COL5A1: variants seen among roughly 807,000 people sequenced by gnomAD.
The protein encoded by COL5A1 is collagen type V alpha 1 chain, also known as collagen alpha-1(V) chain.
A neutral mutation model predicts 263.7 loss-of-function variants in COL5A1; 16 were observed. The observed-to-expected ratio is 0.06, with a 90% confidence interval of 0.04 to 0.09. COL5A1 has a LOEUF of 0.09. Ranked by LOEUF, COL5A1 falls within the 10% of genes least tolerant of loss-of-function variation. The pLI is 1.00. For synonymous variants in COL5A1, 1,012 were observed against 1,004.5 expected (o/e 1.01, Z -0.14); for missense variants, 2,036 against 2,540.5 (o/e 0.80, Z 4.27).
At chr9:134,675,105 T>C (rs1343510246) in intron 1 of COL5A1, among the ~76,000 whole-genome samples, 2 of 152,198 alleles carry the variant, frequency 1.3e-5, no homozygotes, top group Non-Finnish European at 2.9e-5. Context: ...ATATGTGCAG[T>C]CCTCTCCAGT....
Position 134,696,704 on chromosome 9 carries a change from A to T in COL5A1, c.278-3205A>T, listed in dbSNP as rs571912465. ...CGGCTCAGTATGATTTAGTTTCAAC[A>T]CAAATGCATTTATTGTACTCCTACT... On this transcript the variant is annotated intron_variant, in intron 2 of 65. Coordinates refer to ENST00000371817, the MANE Select transcript of COL5A1 (RefSeq NM_000093.5). The surrounding 1 kb of genome is among the most constrained non-coding windows in gnomAD (Gnocchi z 4.3). Among the ~76,000 whole-genome samples the T allele has an allele frequency of 6.6e-6, 1 of 152,340 alleles. No homozygotes were observed. Among genetic ancestry groups the T allele is most frequent in the Admixed American group, 6.5e-5 (1 of 15,300 alleles).
At chr9:134,805,594 G>A (rs996069374) in intron 41 of COL5A1, among the ~76,000 whole-genome samples, 1 of 152,198 alleles carries the variant, frequency 6.6e-6, no homozygotes, top group African/African-American at 2.4e-5. Context: ...GAAGATGCAC[G>A]CTAAAGCCAG....
chr9:134,805,345 GA>G (rs1838258101), intron 41 of COL5A1, 131 bp downstream of exon 41: 6 of 1,089,124 alleles, frequency 5.5e-6, no homozygotes, highest in South Asian at 3.8e-5. Flanking sequence ...GTGGAGGGGG[GA>G]AAATGGCCTT....
chr9:134,730,178 C>T (rs552649200), intron 6 of COL5A1, 58 bp from the exon 7 acceptor site: 268 of 1,604,202 alleles, frequency 1.7e-4, no homozygotes, highest in Non-Finnish European at 2.1e-4. Flanking sequence ...AAGTCCCAGA[C>T]CTGGCACCAC....
chr9:134,695,097 C>T (rs954887592), intron 2 of COL5A1, among the ~76,000 whole-genome samples: 2 of 152,192 alleles, frequency 1.3e-5, no homozygotes, highest in African/African-American at 4.8e-5. Context: ...AGCACGCATC[C>T]TCCTCCTCGG....
intron 4 of COL5A1, among the ~76,000 whole-genome samples, chr9:134,705,454 A>G (rs1452901620): frequency 2.0e-5 from 3 of 152,188 alleles, no homozygotes; most frequent in South Asian, 2.1e-4. Context: ...GAGGTGGGAC[A>G]CTGCTGTCCC....
Position 134,652,550 on chromosome 9 carries a change from GT to G in COL5A1, c.109+10255del, listed in dbSNP as rs1262036312. 6.6e-6 allele frequency among the ~76,000 whole-genome samples: 1 copy of G among 152,200 alleles called. No homozygotes were observed. Among genetic ancestry groups the G allele is most frequent in the Non-Finnish European group, 1.5e-5 (1 of 68,018 alleles). On this transcript the variant is annotated intron_variant, in intron 1 of 65. Transcript: ENST00000371817. The surrounding 1 kb of genome is among the most constrained non-coding windows in gnomAD (Gnocchi z 4.4). ...ATGTTTTCTGATTGTCGCACCTGGG[GT>G]GGGGGCAGGGCTATCGGCCTGTAGT...
chr9:134,695,181 C>T (rs1462343357), intron 2 of COL5A1, among the ~76,000 whole-genome samples: 1 of 152,176 alleles, frequency 6.6e-6, no homozygotes, highest in Non-Finnish European at 1.5e-5. Context: ...CCTCTTCAGA[C>T]CAGGCCTCTG....
At chr9:134,767,129 A>C in intron 23 of COL5A1, 76 bp downstream of exon 23, 1 of 1,546,172 alleles carries the variant, frequency 6.5e-7, no homozygotes, top group Non-Finnish European at 8.9e-7. Context: ...GAGCCCTGGG[A>C]GGAAGCGGGG....
At chr9:134,722,327 C>G (rs1174897250) in intron 4 of COL5A1, among the ~76,000 whole-genome samples, 4 of 152,230 alleles carry the variant, frequency 2.6e-5, no homozygotes, top group African/African-American at 9.6e-5. Context: ...ACACCTCAGG[C>G]TTTGTCCCGC....
At chr9:134,690,889 C>G (rs564716674) in intron 1 of COL5A1, 23 bp from the exon 2 acceptor site, 4 of 1,613,296 alleles carry the variant, frequency 2.5e-6, no homozygotes, top group Non-Finnish European at 3.4e-6. Context: ...GTGGCTAACT[C>G]TGCTCCTCCT....
At chr9:134,808,254 C>T (rs1357365412) in intron 42 of COL5A1, among the ~76,000 whole-genome samples, 1 of 152,138 alleles carries the variant, frequency 6.6e-6, no homozygotes, top group African/African-American at 2.4e-5. Flanking sequence ...TGTGCACACC[C>T]TCCTTCTGTG....
chr9:134,796,510 G>A (rs1483524963), intron 35 of COL5A1, 92 bp downstream of exon 35: 2 of 1,331,328 alleles, frequency 1.5e-6, no homozygotes, highest in Non-Finnish European at 2.2e-6. Context: ...TGGGGCCAGG[G>A]AGGCACGCCT....
intron 32 of COL5A1, among the ~76,000 whole-genome samples, chr9:134,792,773 GTGTGTGTACATA>G (rs1247194730): frequency 3.5e-4 from 2 of 5,710 alleles, no homozygotes; most frequent in Non-Finnish European, 5.9e-4. Context: ...GTGTGTGTGC[GTGTGTGTACATA>G]TGTGTGTGTG....
intron 64 of COL5A1, among the ~76,000 whole-genome samples, chr9:134,834,491 C>A (rs1195478630): frequency 6.6e-6 from 1 of 152,160 alleles, no homozygotes; most frequent in Non-Finnish European, 1.5e-5. Flanking sequence ...GTTCACCATG[C>A]AGCAAAGCTT....
intron 11 of COL5A1, among the ~76,000 whole-genome samples, chr9:134,746,809 A>T (rs973493931): frequency 6.6e-6 from 1 of 152,226 alleles, no homozygotes; most frequent in African/African-American, 2.4e-5. Flanking sequence ...TTATTTTGCC[A>T]TATTTTGCCT....
At chr9:134,802,847 T>C (rs375377423) in intron 38 of COL5A1, 41 bp from the exon 39 acceptor site, 34 of 1,439,708 alleles carry the variant, frequency 2.4e-5, no homozygotes, top group Non-Finnish European at 3.3e-5. Flanking sequence ...CCCTTGCAAG[T>C]CACTCGAAAC....
rs1260784501 is a variant in COL5A1 at position 134,843,082 on chromosome 9, A to G, written c.*779A>G. ...ATAAATTGGAAGTTTGCCCCGGGGC[A>G]GCAAGAATTTATGCTGCCATTGAAA... is the stretch of plus-strand genomic sequence containing the variant. On this transcript the variant is annotated 3_prime_UTR_variant, in exon 66 of 66. Transcript: ENST00000371817. The G allele has an allele frequency of 6.6e-6, 1 of 150,458 alleles. No individual in the cohort carries two copies. Among genetic ancestry groups the G allele is most frequent in the African/African-American group, 2.5e-5 (1 of 40,322 alleles). The allele number at this position is 150,458 out of a possible 1,614,324, so 9.3% of individuals were successfully genotyped here.
intron 41 of COL5A1, 31 bp downstream of exon 41, chr9:134,805,245 C>G (rs1164444407): frequency 6.2e-7 from 1 of 1,612,872 alleles, no homozygotes; most frequent in Non-Finnish European, 8.5e-7. Flanking sequence ...CATCCTCTTT[C>G]TTGAATCCTA....
Sources: gnomAD v4.1 joint callset for allele counts (sites outside exome capture counted in the v4.1 genomes callset) on GRCh38, gnomAD v4.1.1 for gene constraint, Gnocchi (gnomAD v3.1) non-coding constraint, MANE v1.5 for transcripts, NCBI Gene and HGNC (gene_info 2026-07-23, HGNC 2026-07-21) for gene names.